PDE3B: variants seen among roughly 807,000 people sequenced by gnomAD.
PDE3B encodes the protein cGMP-inhibited 3',5'-cyclic phosphodiesterase 3B.
In PDE3B, 66 loss-of-function variants were observed where a neutral mutation model predicts 116.8. That is an observed-to-expected ratio of 0.56 (90% CI 0.46 to 0.69). The LOEUF (loss-of-function observed/expected upper bound fraction) is 0.69, where lower values mean the gene tolerates loss of function less well. Ranked by LOEUF, PDE3B falls within the 30% of genes least tolerant of loss-of-function variation. The probability of loss-of-function intolerance (pLI) is 0.00; values close to 1 mark genes in which losing one functional copy is unlikely to be tolerated. For synonymous variants in PDE3B, 595 were observed against 533.6 expected, an observed-to-expected ratio of 1.12 and a Z score of -1.59; for missense variants, 1,384 against 1,368.1, an observed-to-expected ratio of 1.01 and a Z score of -0.18.
At chr11:14,659,806 T>A (rs1409985661) in intron 1 of PDE3B, among the ~76,000 whole-genome samples, 1 of 152,268 alleles carries the variant, frequency 6.6e-6, no homozygotes, top group Non-Finnish European at 1.5e-5. Flanking sequence ...ATTTCTATTA[T>A]GTTTACCCCT....
At chr11:14,885,941 C>T in the PDE3B span, 1 of 1,609,858 alleles carries the variant, frequency 6.2e-7, no homozygotes, top group Non-Finnish European at 8.5e-7. Context: ...AGAAAAACAA[C>T]ATTTAAATGA....
intron 1 of PDE3B, among the ~76,000 whole-genome samples, chr11:14,748,673 A>G (rs1005444811): frequency 9.9e-5 from 15 of 152,130 alleles, no homozygotes; most frequent in African/African-American, 3.6e-4. Flanking sequence ...ATTATTTCCA[A>G]TGGAATTCTC....
At chr11:14,667,607 A>C (rs925545189) in intron 1 of PDE3B, among the ~76,000 whole-genome samples, 7 of 150,012 alleles carry the variant, frequency 4.7e-5, no homozygotes, top group African/African-American at 1.7e-4. Context: ...CAAACACTGC[A>C]TGTTCTCACT....
At chr11:14,788,834 T>C in intron 3 of PDE3B, 1 of 233,260 alleles carries the variant, frequency 4.3e-6, no homozygotes, top group East Asian at 9.4e-5. Context: ...TTGTTTCTTA[T>C]GAAACAAGTA....
chr11:14,665,106 G>C (rs919867725), intron 1 of PDE3B, among the ~76,000 whole-genome samples: 4 of 152,178 alleles, frequency 2.6e-5, no homozygotes, highest in Admixed American at 2.6e-4. Context: ...TGCAAGGCTG[G>C]TTCAATATCC....
chr11:14,840,557 C>A (rs768823623), intron 11 of PDE3B, among the ~76,000 whole-genome samples: 1 of 152,188 alleles, frequency 6.6e-6, no homozygotes, highest in Non-Finnish European at 1.5e-5. Flanking sequence ...TCCATAGTTA[C>A]GGCTTTGTGG....
intron 11 of PDE3B, among the ~76,000 whole-genome samples, chr11:14,837,946 TA>T (rs1860104979): frequency 6.6e-6 from 1 of 152,118 alleles, no homozygotes; most frequent in Non-Finnish European, 1.5e-5. Context: ...CTGACTGACC[TA>T]AAAGAAACCC....
At chr11:14,783,528 A>C (rs938362207) in intron 2 of PDE3B, among the ~76,000 whole-genome samples, 7 of 152,010 alleles carry the variant, frequency 4.6e-5, no homozygotes, top group Admixed American at 6.6e-5. Context: ...CAAACACCGC[A>C]TGTTCTTACT....
chr11:14,733,992 C>T (rs1054651152), intron 1 of PDE3B, among the ~76,000 whole-genome samples: 16 of 152,096 alleles, frequency 1.1e-4, no homozygotes, highest in African/African-American at 3.4e-4. Context: ...AAGTACCATC[C>T]GACTAAAAAC....
intron 4 of PDE3B, among the ~76,000 whole-genome samples, chr11:14,799,458 C>G (rs1858672498): frequency 6.6e-6 from 1 of 152,092 alleles, no homozygotes; most frequent in Admixed American, 6.6e-5. Flanking sequence ...CCACTTGGTC[C>G]AGAGCTGAGT....
At chr11:14,874,708 CAA>C (rs1848173169), downstream of PDE3B, among the ~76,000 whole-genome samples, 1 of 148,380 alleles carries the variant, frequency 6.7e-6, no homozygotes, top group Non-Finnish European at 1.5e-5. Context: ...CTATACAAAG[CAA>C]AGAGCTTATT....
At chr11:14,711,857 C>T (rs941657965) in intron 1 of PDE3B, among the ~76,000 whole-genome samples, 3 of 152,210 alleles carry the variant, frequency 2.0e-5, no homozygotes, top group Non-Finnish European at 4.4e-5. Context: ...AGATTCACAG[C>T]ATGGCCGTAT....
intron 1 of PDE3B, among the ~76,000 whole-genome samples, chr11:14,682,486 T>C (rs187256943): frequency 6.6e-6 from 1 of 152,258 alleles, no homozygotes. Flanking sequence ...CCCTTTATTA[T>C]GTTGGGGAGG....
chr11:14,745,024 T>C (rs2081464376), intron 1 of PDE3B, among the ~76,000 whole-genome samples: 1 of 152,162 alleles, frequency 6.6e-6, no homozygotes, highest in South Asian at 2.1e-4. Flanking sequence ...AGGGTCTCTC[T>C]ATGTTGCCCA....
At chr11:14,880,873 T>C in the PDE3B span, 2 of 1,076,480 alleles carry the variant, frequency 1.9e-6, no homozygotes, top group African/African-American at 1.6e-5. Context: ...CTTCTCCAAA[T>C]TGTCCTCCTA....
Position 14,741,419 on chromosome 11 carries a change from G to A in PDE3B, c.979-30518G>A, listed in dbSNP as rs577872213. On this transcript the variant is annotated intron_variant, in intron 1 of 15. Transcript: ENST00000282096. The stretch of plus-strand genomic sequence containing the variant: ...GTCCGTTTTATCAGAGACTAGGATT[G>A]CATTTTTTTTGCTTTCCATTTGCTT... Among the ~76,000 whole-genome samples, 60 of 151,458 alleles carry A rather than the reference G, an allele frequency of 4.0e-4. 1 individual carries two copies. The highest frequency in any genetic ancestry group is 1.3e-3 in the African/African-American group (55 of 41,368).
chr11:14,689,405 G>A (rs894918503), intron 1 of PDE3B, among the ~76,000 whole-genome samples: 4 of 152,058 alleles, frequency 2.6e-5, no homozygotes, highest in African/African-American at 4.8e-5. Context: ...TTTATTGAAG[G>A]CCTAATATAT....
intron 5 of PDE3B, among the ~76,000 whole-genome samples, chr11:14,807,984 C>T (rs778920624): frequency 6.6e-6 from 1 of 151,188 alleles, no homozygotes; most frequent in Non-Finnish European, 1.5e-5. Flanking sequence ...CGCTTGAACC[C>T]GGGAGACAGA....
At position 14,814,511 on chromosome 11, in the gene PDE3B, A is replaced by T. The variant is rs570455066; in HGVS notation, c.1523-3672A>T. Among the ~76,000 whole-genome samples, 13 of 152,328 alleles carry T rather than the reference A, an allele frequency of 8.5e-5. No homozygotes were observed. In the East Asian group the frequency reaches 2.3e-3, roughly 27 times the overall value. ...TTTACCACAGCATCAAAAGCCACCA[A>T]TTACGTAGAGATAAATTTAATAAAA... is the stretch of plus-strand genomic sequence containing the variant. On this transcript the variant is annotated intron_variant, in intron 5 of 15. Coordinates refer to ENST00000282096, the MANE Select transcript of PDE3B (RefSeq NM_000922.4).
Sources: gnomAD v4.1 joint callset for allele counts (sites outside exome capture counted in the v4.1 genomes callset) on GRCh38, gnomAD v4.1.1 for gene constraint, MANE v1.5 for transcripts, NCBI Gene and HGNC (gene_info 2026-07-23, HGNC 2026-07-21) for gene names.